The following TENM2 variants were observed in gnomAD, a reference collection of about 807,000 sequenced individuals.
TENM2 encodes teneurin transmembrane protein 2.
In TENM2, 52 loss-of-function variants were observed where a neutral mutation model predicts 245.2. The ratio of observed to expected loss-of-function variants is 0.21; its 90% CI spans 0.17 to 0.27. The LOEUF is 0.27. Among genes scored for constraint, TENM2 ranks in the 10% least tolerant of loss-of-function variants. The pLI, the probability that TENM2 is intolerant of heterozygous loss-of-function variation, is 1.00. For missense variants in TENM2, 3,046 were observed against 3,666.8 expected, an observed-to-expected ratio of 0.83 and a Z score of 4.37; for synonymous variants, 1,363 against 1,438.9, an observed-to-expected ratio of 0.95 and a Z score of 1.19.
At chr5:167,495,075 A>G (rs977599360) in intron 2 of TENM2, among the ~76,000 whole-genome samples, 1 of 152,108 alleles carries the variant, frequency 6.6e-6, no homozygotes, top group African/African-American at 2.4e-5. Flanking sequence ...AATGAACACC[A>G]CACACATTTG....
chr5:167,635,179 CAG>C (rs1345197473), intron 2 of TENM2, among the ~76,000 whole-genome samples: 1 of 152,076 alleles, frequency 6.6e-6, no homozygotes, highest in Admixed American at 6.6e-5. Context: ...AATCTATATA[CAG>C]AGATATATAA....
At chr5:168,026,787 A>G (rs555184289) in intron 5 of TENM2, among the ~76,000 whole-genome samples, 7 of 152,340 alleles carry the variant, frequency 4.6e-5, no homozygotes, top group African/African-American at 1.7e-4. Context: ...GTGCTTGGCC[A>G]AAGGTAAGCA....
intron 2 of TENM2, among the ~76,000 whole-genome samples, chr5:167,581,925 A>G (rs1241012429): frequency 6.6e-6 from 1 of 152,164 alleles, no homozygotes; most frequent in Non-Finnish European, 1.5e-5. Context: ...GAGAGAGAAA[A>G]AAAAAAAATC....
intron 3 of TENM2, among the ~76,000 whole-genome samples, chr5:167,927,846 T>C (rs1777881068): frequency 6.6e-6 from 1 of 152,128 alleles, no homozygotes; most frequent in South Asian, 2.1e-4. Context: ...GGGTCCTGAG[T>C]GCCTGCCCAC....
At chr5:167,953,018 A>T (rs1338432200) in intron 4 of TENM2, among the ~76,000 whole-genome samples, 196 bp downstream of exon 6, 1 of 152,142 alleles carries the variant, frequency 6.6e-6, no homozygotes, top group Non-Finnish European at 1.5e-5. Flanking sequence ...CTTCGTTCAC[A>T]TGTGTCTCCT....
chr5:167,363,092 C>T (rs544308078), intron 1 of TENM2, among the ~76,000 whole-genome samples: 70 of 152,242 alleles, frequency 4.6e-4, no homozygotes, highest in African/African-American at 1.7e-3. Context: ...TAAGAGAACT[C>T]TCCATCCAGG....
At chr5:167,346,670 A>G (rs1758474604) in intron 1 of TENM2, among the ~76,000 whole-genome samples, 1 of 152,212 alleles carries the variant, frequency 6.6e-6, no homozygotes, top group East Asian at 1.9e-4. Flanking sequence ...GGATGCTGGC[A>G]GAAGCCATAA....
In TENM2 at chr5:167,455,593, G is replaced by C. The variant is rs540526911; in HGVS notation, c.502+80120G>C. 2.5e-3 allele frequency among the ~76,000 whole-genome samples: 383 copies of C among 150,592 alleles called. 3 individuals carry two copies. Among genetic ancestry groups the C allele is most frequent in the African/African-American group, 8.9e-3 (364 of 40,970 alleles). ...TGTAATTCACTGTTGCTTTTAATTTGTCAGTACATTAATTTTAGTTGATAA... is the reference window on the plus strand; with the variant it reads ...TGTAATTCACTGTTGCTTTTAATTTCTCAGTACATTAATTTTAGTTGATAA... On this transcript the variant is annotated intron_variant, in intron 2 of 28. Coordinates refer to ENST00000518659, the Ensembl canonical transcript of TENM2.
At chr5:167,617,090 A>G (rs544082787) in intron 2 of TENM2, among the ~76,000 whole-genome samples, 1 of 152,250 alleles carries the variant, frequency 6.6e-6, no homozygotes, top group Non-Finnish European at 1.5e-5. Context: ...GTTGGAAACT[A>G]TGGTGCTTTA....
At chr5:167,882,900 G>A (rs1335567731) in intron 3 of TENM2, among the ~76,000 whole-genome samples, 1 of 152,124 alleles carries the variant, frequency 6.6e-6, no homozygotes, top group Non-Finnish European at 1.5e-5. Flanking sequence ...GGCTTAAAAG[G>A]CCTCTAAGCT....
intron 2 of TENM2, among the ~76,000 whole-genome samples, chr5:167,804,297 GA>G (rs756143189): frequency 6.6e-6 from 1 of 151,998 alleles, no homozygotes; most frequent in African/African-American, 2.4e-5. Context: ...CAGAGAAATG[GA>G]AAAAAAGATA....
chr5:167,212,987 G>C, the TENM2 span, among the ~76,000 whole-genome samples: 1 of 152,044 alleles, frequency 6.6e-6, no homozygotes, highest in Non-Finnish European at 1.5e-5. Flanking sequence ...TATATTATGC[G>C]CAAAATTTGA....
intron 4 of TENM2, among the ~76,000 whole-genome samples, chr5:167,970,065 T>C (rs1781662351): frequency 6.6e-6 from 1 of 152,222 alleles, no homozygotes; most frequent in South Asian, 2.1e-4. Context: ...TATTGCCTGA[T>C]TGTAATGATT....
chr5:167,539,152 C>A (rs1321135985), intron 2 of TENM2, among the ~76,000 whole-genome samples: 1 of 152,110 alleles, frequency 6.6e-6, no homozygotes, highest in African/African-American at 2.4e-5. Context: ...CTCACACCAA[C>A]TGAAATACTT....
the TENM2 span, among the ~76,000 whole-genome samples, chr5:167,016,281 CAAAAA>C: frequency 8.2e-4 from 65 of 78,856 alleles, no homozygotes; most frequent in African/African-American, 2.5e-3. Flanking sequence ...AACAAACAAA[CAAAAA>C]AAAAAAAAAA....
intron 2 of TENM2, among the ~76,000 whole-genome samples, chr5:167,486,486 G>A (rs1023260485): frequency 2.0e-5 from 3 of 151,746 alleles, no homozygotes; most frequent in East Asian, 1.9e-4. Flanking sequence ...CTGCCACCAC[G>A]CCCAGCTAAT....
chr5:167,909,629 A>G (rs966595935), intron 3 of TENM2, among the ~76,000 whole-genome samples: 1 of 152,198 alleles, frequency 6.6e-6, no homozygotes, highest in African/African-American at 2.4e-5. Context: ...TCAAATCTGC[A>G]TTTGCAAAGA....
At chr5:167,532,867 T>C (rs1771612232) in intron 2 of TENM2, among the ~76,000 whole-genome samples, 1 of 150,336 alleles carries the variant, frequency 6.7e-6, no homozygotes, top group Non-Finnish European at 1.5e-5. Context: ...AACTGTATAA[T>C]CTAATCTAGA....
intron 3 of TENM2, among the ~76,000 whole-genome samples, chr5:167,888,604 G>C (rs993934843): frequency 6.6e-6 from 1 of 152,206 alleles, no homozygotes; most frequent in African/African-American, 2.4e-5. Context: ...AAGAAAGCCA[G>C]AAGCAAACAG....
Sources: gnomAD v4.1 joint callset for allele counts (sites outside exome capture counted in the v4.1 genomes callset) on GRCh38, gnomAD v4.1.1 for gene constraint, MANE v1.5 for transcripts, NCBI Gene and HGNC (gene_info 2026-07-23, HGNC 2026-07-21) for gene names.